SEC22A: variants seen among roughly 807,000 people sequenced by gnomAD.
SEC22A encodes SEC22 homolog A, vesicle trafficking protein.
In SEC22A, 22 loss-of-function variants were observed where a neutral mutation model predicts 35.3. The observed-to-expected ratio is 0.62, with a 90% confidence interval of 0.45 to 0.89. The LOEUF is 0.89. Ranked by LOEUF, SEC22A falls within the 40% of genes least tolerant of loss-of-function variation. The probability of loss-of-function intolerance (pLI) is 0.00; values close to 1 mark genes in which losing one functional copy is unlikely to be tolerated. For missense variants in SEC22A, 354 were observed against 362.5 expected (o/e 0.98, Z 0.19); for synonymous variants, 119 against 129.5 (o/e 0.92, Z 0.55).
chr3:123,222,873 A>G (rs1937153366), intron 2 of SEC22A, among the ~76,000 whole-genome samples: 1 of 152,206 alleles, frequency 6.6e-6, no homozygotes, highest in African/African-American at 2.4e-5. Flanking sequence ...AACATCCATG[A>G]TTGTCCTTGC....
intron 5 of SEC22A, among the ~76,000 whole-genome samples, chr3:123,249,901 A>G (rs1248471757): frequency 6.6e-6 from 1 of 152,166 alleles, no homozygotes; most frequent in Non-Finnish European, 1.5e-5. Flanking sequence ...GACCAAATAT[A>G]GGGAACAAAA....
chr3:123,271,989 G>T lies in SEC22A; in HGVS notation c.*267G>T. 2.2e-6 allele frequency: 1 copy of T among 461,724 alleles called. No homozygotes were observed. The highest frequency in any genetic ancestry group is 3.9e-6 in the Non-Finnish European group (1 of 255,164). The allele number at this position is 461,724 out of a possible 1,614,324, so 28.6% of individuals were successfully genotyped here. A position where few individuals can be genotyped will look rare whatever the true frequency, so the allele number is the denominator to read the frequency against. On this transcript the variant is annotated 3_prime_UTR_variant, in exon 7 of 7. Transcript: ENST00000492595. Reference sequence around the variant, plus strand: ...GTGGAAGAACAGTCATATGCCATTGGAAGTCTTGGCCAGCAGTCCTGAATC... The same window carrying T: ...GTGGAAGAACAGTCATATGCCATTGTAAGTCTTGGCCAGCAGTCCTGAATC...
intron 6 of SEC22A, among the ~76,000 whole-genome samples, chr3:123,263,973 T>C (rs1423019128): frequency 6.6e-6 from 1 of 151,988 alleles, no homozygotes; most frequent in Non-Finnish European, 1.5e-5. Context: ...CAGGCTGGAG[T>C]GCAGTGATGC....
At chr3:123,255,482 T>TAC (rs965205415) in intron 5 of SEC22A, among the ~76,000 whole-genome samples, 3 of 151,396 alleles carry the variant, frequency 2.0e-5, no homozygotes, top group Non-Finnish European at 4.4e-5. Context: ...CACACACACA[T>TAC]ACACACACAC....
intron 5 of SEC22A, among the ~76,000 whole-genome samples, chr3:123,253,105 G>GA (rs562040577): frequency 1.3e-5 from 2 of 151,744 alleles, no homozygotes; most frequent in African/African-American, 4.8e-5. Context: ...TGGCACATTA[G>GA]AAAAAAAATG....
chr3:123,271,691 C>T lies in SEC22A; in HGVS notation c.893C>T (p.Ala298Val). Reference sequence around the variant, plus strand: ...ACACTACAGATCTGGCTAAGGCAAGCCCAGGGCAAGGCTCCCGATTATGAT... The same window carrying T: ...ACACTACAGATCTGGCTAAGGCAAGTCCAGGGCAAGGCTCCCGATTATGAT... Reference protein sequence around the residue: ...FVTLQIWLRQAQGKAPDYDV With the variant: ...FVTLQIWLRQVQGKAPDYDV The change falls in exon 7 of 7, where the codon GCC becomes GTC. Residue 298 changes from alanine to valine, a missense_variant. Ala to Val is a moderately conservative substitution (Grantham distance 64). Coordinates refer to ENST00000492595, the MANE Select transcript of SEC22A (RefSeq NM_012430.5). 1.9e-6 allele frequency: 3 copies of T among 1,614,152 alleles called. No homozygotes were observed. Among genetic ancestry groups the T allele is most frequent in the Non-Finnish European group, 2.5e-6 (3 of 1,179,996 alleles).
intron 2 of SEC22A, among the ~76,000 whole-genome samples, chr3:123,214,473 G>C (rs940138919): frequency 6.6e-6 from 1 of 152,182 alleles, no homozygotes; most frequent in Non-Finnish European, 1.5e-5. Context: ...ATGGTGTGTA[G>C]TGTGGGGTGT....
intron 4 of SEC22A, among the ~76,000 whole-genome samples, chr3:123,227,517 G>A (rs1391840762): frequency 6.6e-6 from 1 of 152,188 alleles, no homozygotes; most frequent in African/African-American, 2.4e-5. Context: ...ATGATGGGTT[G>A]ATGGATGTGG....
chr3:123,262,468 C>T (rs866649771), intron 6 of SEC22A, among the ~76,000 whole-genome samples: 2 of 152,170 alleles, frequency 1.3e-5, no homozygotes, highest in African/African-American at 2.4e-5. Context: ...ACACCATCCC[C>T]GACTTGGAAC....
chr3:123,202,425 C>T (rs1397796273), intron 1 of SEC22A, among the ~76,000 whole-genome samples: 1 of 152,174 alleles, frequency 6.6e-6, no homozygotes, highest in Non-Finnish European at 1.5e-5. Flanking sequence ...TTTCCTATTT[C>T]TTTTAGGCAG....
chr3:123,259,450 C>G, intron 5 of SEC22A, 74 bp from the exon 6 acceptor site: 2 of 1,014,094 alleles, frequency 2.0e-6, no homozygotes, highest in Admixed American at 1.9e-5. Flanking sequence ...ATTGTTACAT[C>G]CTATCTTGAT....
intron 5 of SEC22A, among the ~76,000 whole-genome samples, chr3:123,251,510 A>C (rs1023634666): frequency 1.3e-5 from 2 of 152,202 alleles, no homozygotes; most frequent in African/African-American, 4.8e-5. Context: ...TTCCCTTAGC[A>C]CTTAAAGTCT....
chr3:123,251,254 G>A (rs535047998), intron 5 of SEC22A, among the ~76,000 whole-genome samples: 2 of 152,270 alleles, frequency 1.3e-5, no homozygotes, highest in East Asian at 3.9e-4. Context: ...TGTGAAAGAA[G>A]CATGGGGTAT....
chr3:123,246,782 C>T (rs960698024), intron 5 of SEC22A, among the ~76,000 whole-genome samples: 1 of 152,040 alleles, frequency 6.6e-6, no homozygotes, highest in Admixed American at 6.6e-5. Context: ...ATGAATCAGT[C>T]CTCTTTTTTT....
At chr3:123,212,980 T>C (rs1936963167) in intron 2 of SEC22A, among the ~76,000 whole-genome samples, 1 of 152,180 alleles carries the variant, frequency 6.6e-6, no homozygotes, top group South Asian at 2.1e-4. Context: ...GAGGACAGCA[T>C]TTGGATAACA....
In SEC22A at chr3:123,271,835, C is replaced by G. The variant is rs1938173581; in HGVS notation, c.*113C>G. Reference sequence around the variant, plus strand: ...ACAGAGGAGAAGCTCTGCTTTCTTTCTCTCCAACTTTCCTTTTTTAAAATC... The same window carrying G: ...ACAGAGGAGAAGCTCTGCTTTCTTTGTCTCCAACTTTCCTTTTTTAAAATC... On this transcript the variant is annotated 3_prime_UTR_variant, in exon 7 of 7. Coordinates refer to ENST00000492595, the MANE Select transcript of SEC22A (RefSeq NM_012430.5). The G allele has an allele frequency of 4.6e-6, 4 of 872,768 alleles. No individual in the cohort carries two copies. The African/African-American group carries it at 6.8e-5, about 15-fold the overall frequency. 54.1% of individuals were successfully genotyped at this position (872,768 alleles called of 1,614,324 possible).
chr3:123,233,350 C>T (rs1056961557), intron 4 of SEC22A, among the ~76,000 whole-genome samples: 5 of 152,080 alleles, frequency 3.3e-5, no homozygotes, highest in African/African-American at 9.7e-5. Flanking sequence ...TACCATATAG[C>T]CTAGGTATGT....
At chr3:123,241,002 T>TAA (rs1553711331) in intron 4 of SEC22A, among the ~76,000 whole-genome samples, 2 of 142,578 alleles carry the variant, frequency 1.4e-5, no homozygotes, top group African/African-American at 5.3e-5. Context: ...CTCTCTTTCT[T>TAA]ACACACACAC....
intron 6 of SEC22A, among the ~76,000 whole-genome samples, chr3:123,270,829 T>C (rs1938144114): frequency 6.6e-6 from 1 of 152,178 alleles, no homozygotes; most frequent in African/African-American, 2.4e-5. Context: ...CCCTATCCCT[T>C]TTTCCTGCTT....
Sources: gnomAD v4.1 joint callset for allele counts (sites outside exome capture counted in the v4.1 genomes callset) on GRCh38, gnomAD v4.1.1 for gene constraint, MANE v1.5 for transcripts, NCBI Gene and HGNC (gene_info 2026-07-23, HGNC 2026-07-21) for gene names.